Variants in TEKT5 observed in about 807,000 individuals in gnomAD.
TEKT5 encodes the protein tektin-5.
In TEKT5, 52 loss-of-function variants were observed where a neutral mutation model predicts 48.7. The ratio of observed to expected loss-of-function variants is 1.07; its 90% CI spans 0.86 to 1.35. The LOEUF is 1.35. Ranked by LOEUF, TEKT5 falls within the 40% of genes most tolerant of loss-of-function variation. TEKT5 has a pLI of 0.00. For synonymous variants in TEKT5, 318 were observed against 267.6 expected (o/e 1.19, Z -1.84); for missense variants, 831 against 641.6 (o/e 1.30, Z -3.19).
chr16:10,668,766 T>G (rs1170468654), intron 5 of TEKT5, among the ~76,000 whole-genome samples: 1 of 152,210 alleles, frequency 6.6e-6, no homozygotes, highest in African/African-American at 2.4e-5. Context: ...CTGTTCAACC[T>G]CTTCCTATGC....
At chr16:10,641,795 C>T (rs1263306352) in intron 5 of TEKT5, among the ~76,000 whole-genome samples, 1 of 152,204 alleles carries the variant, frequency 6.6e-6, no homozygotes, top group East Asian at 1.9e-4. Context: ...GCACCCCAGC[C>T]TGGGTGACAG....
rs1596417695 is a variant in TEKT5 at position 10,682,055 on chromosome 16, A to G, written c.801T>C (p.Phe267=). 1 of 1,614,206 alleles carries G rather than the reference A, an allele frequency of 6.2e-7. No homozygotes were observed. The highest frequency in any genetic ancestry group is 2.2e-5 in the East Asian group (1 of 44,886). Residue 267 remains phenylalanine, a synonymous_variant, in exon 4 of 7, where the codon TTT becomes TTC. Transcript: ENST00000283025. The part of the protein sequence containing the change: ...SSAQCIDEKC[F]NLRNTSDCIS... Reference sequence around the variant, plus strand: ...TGCAGTCTGACGTATTTCTCAGGTTAAAGCACTTCTCATCGATACACTGGG... The same window carrying G: ...TGCAGTCTGACGTATTTCTCAGGTTGAAGCACTTCTCATCGATACACTGGG...
At chr16:10,640,285 G>C (rs1474721096) in intron 5 of TEKT5, among the ~76,000 whole-genome samples, 1 of 151,994 alleles carries the variant, frequency 6.6e-6, no homozygotes, top group Non-Finnish European at 1.5e-5. Context: ...TGGGACTACA[G>C]GTGCCTGCCA....
intron 6 of TEKT5, among the ~76,000 whole-genome samples, chr16:10,632,009 C>T (rs1372509828): frequency 7.9e-5 from 12 of 151,284 alleles, no homozygotes; most frequent in Admixed American, 7.9e-4. Flanking sequence ...GCGGGTCCCA[C>T]CTCTGGGGAG....
At chr16:10,643,107 A>C (rs1283442541) in intron 5 of TEKT5, among the ~76,000 whole-genome samples, 2 of 152,206 alleles carry the variant, frequency 1.3e-5, no homozygotes, top group Non-Finnish European at 2.9e-5. Flanking sequence ...AAGGCTGGGC[A>C]TGGTGGCTCA....
intron 3 of TEKT5, among the ~76,000 whole-genome samples, chr16:10,683,225 C>T (rs1898788362): frequency 1.1e-5 from 1 of 94,464 alleles, no homozygotes; most frequent in African/African-American, 4.8e-5. Flanking sequence ...TCACACGTGC[C>T]AACACAGAGA....
At chr16:10,673,420 C>T (rs1245954664) in intron 5 of TEKT5, among the ~76,000 whole-genome samples, 1 of 152,114 alleles carries the variant, frequency 6.6e-6, no homozygotes, top group African/African-American at 2.4e-5. Context: ...TATCATCTAG[C>T]CTTTGACAGG....
intron 6 of TEKT5, among the ~76,000 whole-genome samples, chr16:10,629,901 A>C (rs1352429659): frequency 6.6e-6 from 1 of 152,072 alleles, no homozygotes; most frequent in African/African-American, 2.4e-5. Flanking sequence ...TCTCCTTCTG[A>C]GGCTTTGCTT....
At chr16:10,672,951 G>C (rs1031335748) in intron 5 of TEKT5, among the ~76,000 whole-genome samples, 5 of 151,576 alleles carry the variant, frequency 3.3e-5, no homozygotes, top group African/African-American at 1.2e-4. Context: ...CCACCTCCCA[G>C]GCTCAAGTGA....
At chr16:10,629,427 T>G (rs555439549) in intron 6 of TEKT5, among the ~76,000 whole-genome samples, 37 of 152,224 alleles carry the variant, frequency 2.4e-4, no homozygotes, top group African/African-American at 8.4e-4. Flanking sequence ...ATTTTTCATG[T>G]TTTAGTAGAG....
At position 10,659,878 on chromosome 16, in the gene TEKT5, T is replaced by C. The variant is rs187438102; in HGVS notation, c.1086+16081A>G. On this transcript the variant is annotated intron_variant, in intron 5 of 6. Transcript: ENST00000283025. Reference sequence around the variant, plus strand: ...TGACGGAAATGGAACTGGGTAGAGGTGGTGGTTGTACAATATTATCAATAT... The same window carrying C: ...TGACGGAAATGGAACTGGGTAGAGGCGGTGGTTGTACAATATTATCAATAT... Among the ~76,000 whole-genome samples, 14 of 152,142 alleles carry C rather than the reference T, an allele frequency of 9.2e-5. No homozygotes were observed. The East Asian group carries it at 2.7e-3, about 29-fold the overall frequency.
chr16:10,662,995 T>C (rs1898399945), intron 5 of TEKT5, among the ~76,000 whole-genome samples: 1 of 152,154 alleles, frequency 6.6e-6, no homozygotes, highest in East Asian at 1.9e-4. Flanking sequence ...TCACCCACTC[T>C]CACCCCCTGC....
intron 5 of TEKT5, among the ~76,000 whole-genome samples, chr16:10,660,475 C>A (rs1317267469): frequency 1.3e-5 from 2 of 152,090 alleles, no homozygotes; most frequent in African/African-American, 4.8e-5. Flanking sequence ...TAACACAAAC[C>A]AACTGTGGGG....
At chr16:10,681,885 T>C (rs755260340) in intron 4 of TEKT5, 108 bp downstream of exon 4, 8 of 1,430,528 alleles carry the variant, frequency 5.6e-6, no homozygotes, top group Non-Finnish European at 7.7e-6. Context: ...ACCATGCCAC[T>C]TCCCACTTAA....
rs374188540 is a variant in TEKT5, at chr16:10,654,109, G to A, written c.1087-18191C>T. ...ACTGTTGTCCAGGATGAACTGCAGC[G>A]GCACTATTATGGCTCACTGCAGCCT... On this transcript the variant is annotated intron_variant, in intron 5 of 6. Coordinates refer to ENST00000283025, the MANE Select transcript of TEKT5 (RefSeq NM_144674.2). Among the ~76,000 whole-genome samples, 16 of 152,108 alleles carry A rather than the reference G, an allele frequency of 1.1e-4. No homozygotes were observed. The East Asian group carries it at 1.3e-3, about 13-fold the overall frequency.
chr16:10,631,691 C>T (rs1897843414), intron 6 of TEKT5, among the ~76,000 whole-genome samples: 1 of 152,066 alleles, frequency 6.6e-6, no homozygotes, highest in Admixed American at 6.6e-5. Flanking sequence ...AGGTTTGAGA[C>T]ATGGAGACAT....
chr16:10,641,039 T>A (rs1897986881), intron 5 of TEKT5, among the ~76,000 whole-genome samples: 1 of 152,222 alleles, frequency 6.6e-6, no homozygotes, highest in Non-Finnish European at 1.5e-5. Flanking sequence ...TTTCACTTTT[T>A]TAGAAACTGT....
At chr16:10,684,737 G>C (rs1190374296) in intron 3 of TEKT5, among the ~76,000 whole-genome samples, 1 of 152,146 alleles carries the variant, frequency 6.6e-6, no homozygotes, top group Non-Finnish European at 1.5e-5. Context: ...GGAAAGAGGA[G>C]GCAGTCCTGT....
intron 2 of TEKT5, 119 bp downstream of exon 2, chr16:10,689,823 C>G: frequency 1.0e-6 from 1 of 960,146 alleles, no homozygotes; most frequent in Non-Finnish European, 1.6e-6. Context: ...CCTGAGCCCT[C>G]ACTTTCCACA....
Sources: gnomAD v4.1 joint callset for allele counts (sites outside exome capture counted in the v4.1 genomes callset) on GRCh38, gnomAD v4.1.1 for gene constraint, MANE v1.5 for transcripts, NCBI Gene and HGNC (gene_info 2026-07-23, HGNC 2026-07-21) for gene names.